The following LINGO2 variants were observed in gnomAD, a reference collection of about 807,000 sequenced individuals.
The protein encoded by LINGO2 is leucine rich repeat and Ig domain containing 2, also known as leucine-rich repeat and immunoglobulin-like domain-containing nogo receptor-interacting protein 2.
LINGO2 carries 14 observed loss-of-function variants against 30.6 expected under a neutral mutation model. The observed-to-expected ratio is 0.46, with a 90% CI of 0.30 to 0.72. The LOEUF is 0.72. Among genes scored for constraint, LINGO2 ranks in the 30% least tolerant of loss-of-function variants. The pLI, the probability that LINGO2 is intolerant of heterozygous loss-of-function variation, is 0.07. For synonymous variants in LINGO2, 317 were observed against 288.5 expected (o/e 1.10, Z -1.00); for missense variants, 729 against 751.7 (o/e 0.97, Z 0.35).
the LINGO2 span, among the ~76,000 whole-genome samples, chr9:29,083,037 G>A: frequency 3.3e-5 from 5 of 152,104 alleles, no homozygotes; most frequent in African/African-American, 9.7e-5. Flanking sequence ...ATTCCTCAGG[G>A]ATCTAGAACT....
chr9:28,662,737 G>A (rs977118196), intron 1 of LINGO2, among the ~76,000 whole-genome samples: 5 of 152,082 alleles, frequency 3.3e-5, no homozygotes, highest in African/African-American at 1.2e-4. Context: ...ATATTGCAAA[G>A]TACTTAAAAT....
At chr9:29,088,022 T>G in the LINGO2 span, among the ~76,000 whole-genome samples, 1 of 152,314 alleles carries the variant, frequency 6.6e-6, no homozygotes, top group Middle Eastern at 3.4e-3. Flanking sequence ...TACTTCCATT[T>G]ATTTTTATTC....
the LINGO2 span, among the ~76,000 whole-genome samples, chr9:28,904,914 C>T: frequency 6.6e-6 from 1 of 151,902 alleles, no homozygotes; most frequent in Non-Finnish European, 1.5e-5. Context: ...AGCTTACTGG[C>T]AGAAGAAACA....
rs1038393216 is a variant in LINGO2 at position 28,147,814 on chromosome 9, C to T, written c.-86-135409G>A. 6.6e-6 allele frequency among the ~76,000 whole-genome samples: 1 copy of T among 152,102 alleles called. No individual in the cohort carries two copies. Among genetic ancestry groups the T allele is most frequent in the Non-Finnish European group, 1.5e-5 (1 of 68,016 alleles). On this transcript the variant is annotated intron_variant, in intron 4 of 5. Transcript: ENST00000379992. This position sits in a 1 kb window ranked among gnomAD's most constrained non-coding sequence, Gnocchi z 4.7. The stretch of plus-strand genomic sequence containing the variant: ...TGCCCTTTGACTCCTCTTGTAGGCA[C>T]CCTCGCTGGGCTCCTAAGCACTCCT...
chr9:28,165,254 T>A (rs192688000), intron 4 of LINGO2, among the ~76,000 whole-genome samples: 1 of 152,328 alleles, frequency 6.6e-6, no homozygotes, highest in Admixed American at 6.5e-5. Context: ...AAAGCAGAAG[T>A]GAATCAATAG....
chr9:28,510,487 G>A (rs1747511805), intron 1 of LINGO2, among the ~76,000 whole-genome samples: 1 of 152,090 alleles, frequency 6.6e-6, no homozygotes, highest in Non-Finnish European at 1.5e-5. Context: ...TTGTCTTCAT[G>A]TGGAGTAGGC....
At chr9:28,675,450 T>C in the LINGO2 span, among the ~76,000 whole-genome samples, 1 of 152,184 alleles carries the variant, frequency 6.6e-6, no homozygotes, top group Non-Finnish European at 1.5e-5. Flanking sequence ...CTTTCTTTTA[T>C]TTGTTGTTTT....
the LINGO2 span, among the ~76,000 whole-genome samples, chr9:28,996,424 TTC>T: frequency 7.2e-5 from 11 of 152,114 alleles, no homozygotes; most frequent in African/African-American, 2.7e-4. Context: ...TCATACCATT[TTC>T]TAGGTGGGAA....
chr9:28,641,925 GTTC>G (rs1368954747), intron 1 of LINGO2, among the ~76,000 whole-genome samples: 2 of 151,876 alleles, frequency 1.3e-5, no homozygotes, highest in Admixed American at 1.3e-4. Context: ...GTTCCAGAAT[GTTC>G]TTCTTGTCTC....
the LINGO2 span, among the ~76,000 whole-genome samples, chr9:28,772,378 T>G: frequency 6.6e-6 from 1 of 152,204 alleles, no homozygotes; most frequent in Non-Finnish European, 1.5e-5. Flanking sequence ...AGTAACATCC[T>G]TTTTGAAATT....
At chr9:28,607,724 A>G (rs1184311518) in intron 1 of LINGO2, among the ~76,000 whole-genome samples, 1 of 151,994 alleles carries the variant, frequency 6.6e-6, no homozygotes, top group East Asian at 1.9e-4. Flanking sequence ...TCATGTGTCA[A>G]ATCTGATTGA....
intron 3 of LINGO2, among the ~76,000 whole-genome samples, chr9:28,347,299 T>C (rs927023651): frequency 2.0e-5 from 3 of 152,160 alleles, no homozygotes; most frequent in Non-Finnish European, 4.4e-5. Context: ...GCCCTTGCAT[T>C]TGAGGAAACA....
At chr9:28,859,129 G>A in the LINGO2 span, among the ~76,000 whole-genome samples, 1 of 152,036 alleles carries the variant, frequency 6.6e-6, no homozygotes, top group South Asian at 2.1e-4. Context: ...TTTTTCTGAA[G>A]GAGAGTAATT....
chr9:28,627,170 G>C (rs890090094), intron 1 of LINGO2, among the ~76,000 whole-genome samples: 3 of 151,904 alleles, frequency 2.0e-5, no homozygotes, highest in Non-Finnish European at 4.4e-5. Context: ...GTTTAGCTCT[G>C]ATGCAAAGAT....
rs182050386 is a variant in LINGO2 at position 28,167,837 on chromosome 9, G to A, written c.-87+127371C>T. 7.7e-3 allele frequency among the ~76,000 whole-genome samples: 1,177 copies of A among 152,330 alleles called. 8 individuals carry two copies. The highest frequency in any genetic ancestry group is 0.011 in the Non-Finnish European group (720 of 68,036). On this transcript the variant is annotated intron_variant, in intron 4 of 5. Transcript: ENST00000379992. ...TCCTACAGATAAAAGAGCCCACCAGGTGATTCTAACAGAAAGCCAGATTTG... is the reference window on the plus strand; with the variant it reads ...TCCTACAGATAAAAGAGCCCACCAGATGATTCTAACAGAAAGCCAGATTTG...
intron 3 of LINGO2, among the ~76,000 whole-genome samples, chr9:28,361,892 C>T (rs893598069): frequency 3.9e-5 from 6 of 152,274 alleles, no homozygotes; most frequent in Non-Finnish European, 8.8e-5. Flanking sequence ...GACACTGAAT[C>T]TCGGGTTGAG....
At chr9:28,377,036 T>C (rs1821156585) in intron 2 of LINGO2, among the ~76,000 whole-genome samples, 1 of 145,664 alleles carries the variant, frequency 6.9e-6, no homozygotes, top group South Asian at 2.2e-4. Context: ...AATCTAGACA[T>C]CTACAGAGAT....
chr9:28,144,935 T>C (rs896009707), intron 4 of LINGO2, among the ~76,000 whole-genome samples: 1 of 152,182 alleles, frequency 6.6e-6, no homozygotes, highest in Non-Finnish European at 1.5e-5. Context: ...GGGGTGGATA[T>C]TTTGCAGTGG....
intron 4 of LINGO2, among the ~76,000 whole-genome samples, chr9:28,199,497 C>T (rs1391078296): frequency 6.6e-6 from 1 of 152,032 alleles, no homozygotes; most frequent in East Asian, 1.9e-4. Flanking sequence ...CGCCACCACG[C>T]TCGGCTAATT....
Sources: allele counts gnomAD v4.1 joint callset (sites outside exome capture counted in the v4.1 genomes callset), GRCh38; gene constraint gnomAD v4.1.1; non-coding constraint Gnocchi (gnomAD v3.1); transcripts MANE v1.5; gene names NCBI Gene and HGNC (gene_info 2026-07-23, HGNC 2026-07-21).